Variants in HSD17B4 observed in about 807,000 individuals in gnomAD.
The protein encoded by HSD17B4 is hydroxysteroid 17-beta dehydrogenase 4, also known as peroxisomal multifunctional enzyme type 2.
A neutral mutation model predicts 101.0 loss-of-function variants in HSD17B4; 70 were observed. The ratio of observed to expected loss-of-function variants is 0.69; its 90% confidence interval spans 0.57 to 0.85. HSD17B4 has a LOEUF of 0.85. HSD17B4 is among the 40% of genes least tolerant of loss of function. The pLI, the probability that HSD17B4 is intolerant of heterozygous loss-of-function variation, is 0.00. For synonymous variants in HSD17B4, 347 were observed against 297.1 expected, an observed-to-expected ratio of 1.17 and a Z score of -1.73; for missense variants, 984 against 892.4, an observed-to-expected ratio of 1.10 and a Z score of -1.31.
chr5:119,473,947 G>T lies in HSD17B4; in HGVS notation c.152G>T (p.Gly51Val), dbSNP rs566990969. The change falls in exon 3 of 24, where the codon GGC (glycine) becomes GTC (valine). Residue 51 changes from glycine (G) to valine (V), a missense_variant. Gly to Val is a moderately radical substitution (Grantham distance 109, BLOSUM62 -3). Coordinates refer to ENST00000510025, the MANE Select transcript of HSD17B4 (RefSeq NM_000414.4). ...GGGGACTTCAAAGGAGTTGGTAAAG[G>T]CTCCTTAGCTGCTGATAAGGTTGTT... is the stretch of plus-strand genomic sequence containing the variant. Reference protein sequence around the residue: ...LGGDFKGVGKGSLAADKVVEE... With the variant: ...LGGDFKGVGKVSLAADKVVEE... 2.5e-6 allele frequency: 4 copies of T among 1,612,064 alleles called. No individual in the cohort carries two copies. The highest frequency in any genetic ancestry group is 3.3e-5 in the Admixed American group (2 of 60,006).
intron 22 of HSD17B4, among the ~76,000 whole-genome samples, chr5:119,534,212 A>C (rs924279748): frequency 2.0e-5 from 3 of 152,084 alleles, no homozygotes; most frequent in Non-Finnish European, 2.9e-5. Context: ...TAGGAACATA[A>C]GTGGAATTTA....
intron 17 of HSD17B4, among the ~76,000 whole-genome samples, chr5:119,519,465 T>C (rs1184232161): frequency 3.3e-5 from 5 of 152,198 alleles, no homozygotes; most frequent in African/African-American, 4.8e-5. Context: ...TGTCTTCTAG[T>C]GGGAGATCTT....
In HSD17B4 at chr5:119,511,034, G is replaced by A. The variant is rs559201917; in HGVS notation, c.1437+1790G>A. On this transcript the variant is annotated intron_variant, in intron 16 of 23. Coordinates refer to ENST00000510025, the MANE Select transcript of HSD17B4 (RefSeq NM_000414.4). ...GCACTTGCCCTAGCTTTCCCGTAGC[G>A]TGGAGGTTCCGTGGTTGGAGAGTCA... 8.1e-4 allele frequency among the ~76,000 whole-genome samples: 123 copies of A among 152,294 alleles called. 5 individuals are homozygous for A. In the South Asian group the frequency reaches 0.025, roughly 31 times the overall value.
intron 3 of HSD17B4, 104 bp downstream of exon 3, chr5:119,474,119 G>C: frequency 1.3e-6 from 1 of 780,448 alleles, no homozygotes; most frequent in African/African-American, 1.7e-5. Flanking sequence ...GTATAATTAT[G>C]ATTTTCTAAG....
At chr5:119,528,109 T>G (rs995761239) in intron 20 of HSD17B4, among the ~76,000 whole-genome samples, 4 of 152,090 alleles carry the variant, frequency 2.6e-5, no homozygotes, top group Non-Finnish European at 4.4e-5. Context: ...CAATAGTATT[T>G]TCTTTAATAT....
At position 119,536,458 on chromosome 5, in the gene HSD17B4, C is replaced by T. The variant is rs751646311; in HGVS notation, c.2029C>T (p.Gln677Ter). Residue 677 changes from glutamine (Q) to a stop codon, truncating the protein, a stop_gained, in exon 23 of 24, where the codon CAA (glutamine) becomes TAA (stop). Coordinates refer to ENST00000510025, the MANE Select transcript of HSD17B4 (RefSeq NM_000414.4). LOFTEE classifies it high-confidence loss of function. Reference sequence around the variant, plus strand: ...GAAAAGTGGTTCTGGAAAAGTGTACCAAGGCCCTGCAAAAGGTGCTGCTGA... The same window carrying T: ...GAAAAGTGGTTCTGGAAAAGTGTACTAAGGCCCTGCAAAAGGTGCTGCTGA... ...DLKSGSGKVY[Q>*]GPAKGAADTT... is the part of the protein sequence containing the mutation. The T allele has an allele frequency of 5.0e-6, 8 of 1,612,154 alleles. No homozygotes were observed. The highest frequency in any genetic ancestry group is 5.9e-6 in the Non-Finnish European group (7 of 1,178,590).
chr5:119,454,560 T>C (rs1416505003), intron 1 of HSD17B4, among the ~76,000 whole-genome samples: 2 of 152,048 alleles, frequency 1.3e-5, no homozygotes, highest in African/African-American at 4.8e-5. Context: ...TCTGCTTGGA[T>C]TAAATTCTAA....
chr5:119,520,322 G>A (rs1427955860), intron 17 of HSD17B4, among the ~76,000 whole-genome samples: 1 of 152,026 alleles, frequency 6.6e-6, no homozygotes, highest in Non-Finnish European at 1.5e-5. Context: ...GCTGTTGGCT[G>A]GGGTGCTTCG....
chr5:119,515,337 G>A (rs1752522176), intron 17 of HSD17B4, among the ~76,000 whole-genome samples: 1 of 151,930 alleles, frequency 6.6e-6, no homozygotes, highest in African/African-American at 2.4e-5. Context: ...TGGAGAGGCC[G>A]CCCACTTTAA....
At chr5:119,525,528 C>T (rs934883033) in intron 18 of HSD17B4, among the ~76,000 whole-genome samples, 6 of 151,934 alleles carry the variant, frequency 3.9e-5, no homozygotes, top group Non-Finnish European at 8.8e-5. Flanking sequence ...GATAGGACCA[C>T]GAGGGTGGGT....
intron 2 of HSD17B4, among the ~76,000 whole-genome samples, chr5:119,469,016 C>A (rs1037677634): frequency 6.6e-6 from 1 of 151,028 alleles, no homozygotes; most frequent in Non-Finnish European, 1.5e-5. Context: ...ATATCTTACA[C>A]GAGTGTGAAC....
Position 119,456,361 on chromosome 5 carries a change from AGTT to A in HSD17B4, c.110_112del (p.Val38del). 1 of 1,602,950 alleles carries A rather than the reference AGTT, an allele frequency of 6.2e-7. No homozygotes were observed. The highest frequency in any genetic ancestry group is 8.5e-7 in the Non-Finnish European group (1 of 1,169,852). On this transcript the variant is annotated inframe_deletion, in exon 2 of 24. Coordinates refer to ENST00000510025, the MANE Select transcript of HSD17B4 (RefSeq NM_000414.4). The stretch of plus-strand genomic sequence containing the variant: ...TGGCTTTTGCAGAAAGAGGAGCGTT[AGTT>A]GTTGGTAAGTTGGTGTGTTTTTCTT...
intron 14 of HSD17B4, among the ~76,000 whole-genome samples, chr5:119,502,432 ATTTATC>A (rs1271380333): frequency 2.6e-5 from 4 of 152,076 alleles, no homozygotes; most frequent in South Asian, 4.1e-4. Flanking sequence ...TTTCTCAGGT[ATTTATC>A]TTTATACTGA....
chr5:119,452,810 TC>T, intron 1 of HSD17B4, 177 bp downstream of exon 1: 1 of 1,537,842 alleles, frequency 6.5e-7, no homozygotes. Context: ...AAACACCTGG[TC>T]TCTCAAGCAG....
At chr5:119,485,123 C>T (rs1046533738) in intron 8 of HSD17B4, among the ~76,000 whole-genome samples, 48 of 152,090 alleles carry the variant, frequency 3.2e-4, no homozygotes, top group African/African-American at 1.1e-3. Context: ...TCTTTCTACC[C>T]CCCTGCTTCA....
intron 14 of HSD17B4, among the ~76,000 whole-genome samples, chr5:119,505,613 G>C (rs1162988768): frequency 6.6e-6 from 1 of 151,972 alleles, no homozygotes; most frequent in Admixed American, 6.6e-5. Flanking sequence ...ACTTTTACTT[G>C]ACTCATTATC....
chr5:119,515,233 G>T (rs1456760955), intron 17 of HSD17B4, among the ~76,000 whole-genome samples, 187 bp downstream of exon 17: 2 of 151,950 alleles, frequency 1.3e-5, no homozygotes, highest in Admixed American at 1.3e-4. Context: ...AGTTATTAAT[G>T]TTTTCCCACT....
chr5:119,493,835 C>G lies in HSD17B4; in HGVS notation c.757C>G (p.Leu253Val). 3 of 1,613,064 alleles carry G rather than the reference C, an allele frequency of 1.9e-6. No homozygotes were observed. The highest frequency in any genetic ancestry group is 1.1e-5 in the South Asian group (1 of 91,068). Reference protein sequence around the residue: ...WIGKLRWERTLGAIVRQKNHP... With the variant: ...WIGKLRWERTVGAIVRQKNHP... ...ATAACCAGTACGCTGGGAGCGGACT[C>G]TTGGAGCTATTGTAAGACAAAAGAA... Residue 253 changes from leucine to valine, a missense_variant, in exon 11 of 24, where the codon CTT (leucine) becomes GTT (valine). Transcript: ENST00000510025.
chr5:119,526,329 C>CT (rs1000806901), intron 19 of HSD17B4, among the ~76,000 whole-genome samples: 35 of 150,760 alleles, frequency 2.3e-4, no homozygotes, highest in Middle Eastern at 3.5e-3. Flanking sequence ...TCAAGATTTG[C>CT]TTTTTTTAAC....
Sources: allele counts gnomAD v4.1 joint callset (sites outside exome capture counted in the v4.1 genomes callset), GRCh38; gene constraint gnomAD v4.1.1; transcripts MANE v1.5; gene names NCBI Gene and HGNC (gene_info 2026-07-23, HGNC 2026-07-21).